Variants in EPHA6 observed in about 807,000 individuals in gnomAD.
EPHA6 encodes EPH receptor A6.
Under a neutral mutation model 112.0 loss-of-function variants are expected in EPHA6, and 50 were observed. That is an observed-to-expected ratio of 0.45 (90% CI 0.36 to 0.56). EPHA6 has a LOEUF of 0.56. EPHA6 is among the 20% of genes least tolerant of loss of function. EPHA6 has a pLI of 0.00. For synonymous variants in EPHA6, 529 were observed against 490.7 expected (o/e 1.08, Z -1.03); for missense variants, 1,280 against 1,417.4 (o/e 0.90, Z 1.56).
chr3:97,008,913 G>T (rs766484913), intron 3 of EPHA6, among the ~76,000 whole-genome samples: 7 of 151,956 alleles, frequency 4.6e-5, no homozygotes, highest in African/African-American at 1.7e-4. Context: ...TTTGTTGGGG[G>T]TTTACTTCAT....
At position 96,973,669 on chromosome 3, in the gene EPHA6, C is replaced by CA. The variant is rs569396977; in HGVS notation, c.451-13654dup. Among the ~76,000 whole-genome samples the CA allele has an allele frequency of 5.6e-3, 846 of 150,064 alleles. 8 individuals are homozygous for CA. Among genetic ancestry groups the CA allele is most frequent in the African/African-American group, 0.02 (822 of 40,968 alleles). ...TGAAACCCTGTCTCTACTAAAAATACAAAAAAATTAGCCAGGCATGGTGGC... is the reference window on the plus strand; with the variant it reads ...TGAAACCCTGTCTCTACTAAAAATACAAAAAAAATTAGCCAGGCATGGTGGC... On this transcript the variant is annotated intron_variant, in intron 2 of 17. Transcript: ENST00000389672.
chr3:97,620,385 A>T (rs2093804133), intron 13 of EPHA6, among the ~76,000 whole-genome samples: 1 of 152,054 alleles, frequency 6.6e-6, no homozygotes, highest in South Asian at 2.1e-4. Context: ...AAGACACCAA[A>T]ATAATTGCAA....
intron 5 of EPHA6, among the ~76,000 whole-genome samples, chr3:97,396,569 T>C (rs894294013): frequency 6.6e-6 from 1 of 151,646 alleles, no homozygotes; most frequent in African/African-American, 2.4e-5. Flanking sequence ...TTTGAACTCA[T>C]TACACTAAAT....
intron 3 of EPHA6, among the ~76,000 whole-genome samples, chr3:97,004,085 A>G (rs1050701353): frequency 2.0e-5 from 3 of 152,112 alleles, no homozygotes; most frequent in Non-Finnish European, 4.4e-5. Flanking sequence ...TGCTATTGTA[A>G]ATAGTGCTGC....
chr3:96,825,857 A>G (rs995636123), intron 1 of EPHA6, among the ~76,000 whole-genome samples: 5 of 151,800 alleles, frequency 3.3e-5, no homozygotes, highest in African/African-American at 1.2e-4. Flanking sequence ...TTCTTCCCAT[A>G]TATGTGATAT....
intron 11 of EPHA6, among the ~76,000 whole-genome samples, chr3:97,588,454 A>G (rs576052469): frequency 2.0e-5 from 3 of 152,242 alleles, no homozygotes; most frequent in Admixed American, 2.0e-4. Context: ...AATTTGAAGA[A>G]GTCATATCTC....
At chr3:97,601,701 T>G (rs1259444155) in intron 12 of EPHA6, among the ~76,000 whole-genome samples, 1 of 151,844 alleles carries the variant, frequency 6.6e-6, no homozygotes, top group Non-Finnish European at 1.5e-5. Context: ...ACTTGCCTGG[T>G]GCATTGGGGG....
At chr3:97,336,916 CAG>C (rs1407614481) in intron 5 of EPHA6, among the ~76,000 whole-genome samples, 2 of 151,340 alleles carry the variant, frequency 1.3e-5, no homozygotes, top group Non-Finnish European at 2.9e-5. Flanking sequence ...TTCTCCCTCC[CAG>C]ATTATCTGGG....
intron 11 of EPHA6, among the ~76,000 whole-genome samples, chr3:97,559,043 A>G (rs2093152916): frequency 6.6e-6 from 1 of 152,024 alleles, no homozygotes; most frequent in South Asian, 2.1e-4. Flanking sequence ...GGAAATAACA[A>G]TTTATTTTCA....
At chr3:97,201,085 T>G (rs1298044685) in intron 3 of EPHA6, among the ~76,000 whole-genome samples, 1 of 152,162 alleles carries the variant, frequency 6.6e-6, no homozygotes, top group East Asian at 1.9e-4. Context: ...GTATCTATCT[T>G]TCAATAACCA....
intron 11 of EPHA6, among the ~76,000 whole-genome samples, chr3:97,586,495 C>T (rs1044165714): frequency 6.6e-6 from 1 of 151,740 alleles, no homozygotes; most frequent in African/African-American, 2.4e-5. Flanking sequence ...TATGGTCTTA[C>T]TTCTGTTAGT....
intron 1 of EPHA6, among the ~76,000 whole-genome samples, chr3:96,822,763 T>C (rs1225084795): frequency 6.6e-6 from 1 of 150,892 alleles, no homozygotes; most frequent in Non-Finnish European, 1.5e-5. Flanking sequence ...AATTATGTGT[T>C]CTTTCAGGTG....
intron 3 of EPHA6, among the ~76,000 whole-genome samples, chr3:97,174,271 T>C (rs151229160): frequency 6.6e-6 from 1 of 151,996 alleles, no homozygotes; most frequent in African/African-American, 2.4e-5. Context: ...TGTGTATATG[T>C]ACTACATTTT....
intron 7 of EPHA6, among the ~76,000 whole-genome samples, chr3:97,463,534 G>A (rs1383932359): frequency 1.3e-5 from 2 of 152,140 alleles, no homozygotes; most frequent in Non-Finnish European, 2.9e-5. Flanking sequence ...GTAGCAGCCA[G>A]AGAATAGAAA....
chr3:97,463,056 C>A (rs752816015), intron 7 of EPHA6, among the ~76,000 whole-genome samples: 3 of 151,914 alleles, frequency 2.0e-5, no homozygotes, highest in South Asian at 2.1e-4. Flanking sequence ...GAGAGAAATA[C>A]AAGAATAGTC....
At chr3:97,136,807 A>C (rs2075780749) in intron 3 of EPHA6, among the ~76,000 whole-genome samples, 1 of 152,230 alleles carries the variant, frequency 6.6e-6, no homozygotes, top group Non-Finnish European at 1.5e-5. Flanking sequence ...ACGATCTTTA[A>C]AGTGTGATGG....
At chr3:97,377,405 A>C (rs2085434096) in intron 5 of EPHA6, among the ~76,000 whole-genome samples, 1 of 152,160 alleles carries the variant, frequency 6.6e-6, no homozygotes, top group African/African-American at 2.4e-5. Context: ...TCACAGTCTC[A>C]GGTATTTCTT....
In EPHA6 at chr3:97,085,948, T is replaced by TATATATATATACAC. The variant is rs984404779; in HGVS notation, c.1114+97956_1114+97957insTATATATATACACA. ...GATGTCATATATATATATATATATA[T>TATATATATATACAC]ACACACTGAGATGGAGTCTCTTGTC... On this transcript the variant is annotated intron_variant, in intron 3 of 17. Coordinates refer to ENST00000389672, the MANE Select transcript of EPHA6 (RefSeq NM_001080448.3). 6.0e-3 allele frequency among the ~76,000 whole-genome samples: 869 copies of TATATATATATACAC among 145,124 alleles called. 22 individuals are homozygous for TATATATATATACAC. The highest frequency in any genetic ancestry group is 0.017 in the African/African-American group (630 of 36,298).
At chr3:96,905,582 AGCACTG>A (rs2038888542) in intron 2 of EPHA6, among the ~76,000 whole-genome samples, 1 of 152,098 alleles carries the variant, frequency 6.6e-6, no homozygotes, top group Non-Finnish European at 1.5e-5. Context: ...ACAATTCTAT[AGCACTG>A]GATTCTAGAA....
Sources: allele counts gnomAD v4.1 joint callset (sites outside exome capture counted in the v4.1 genomes callset), GRCh38; gene constraint gnomAD v4.1.1; transcripts MANE v1.5; gene names NCBI Gene and HGNC (gene_info 2026-07-23, HGNC 2026-07-21).